RFFL: variants seen among roughly 807,000 people sequenced by gnomAD.
The protein encoded by RFFL is E3 ubiquitin-protein ligase rififylin.
RFFL carries 16 observed loss-of-function variants against 40.4 expected under a neutral mutation model. That is an observed-to-expected ratio of 0.40 (90% CI 0.27 to 0.60). RFFL has a LOEUF of 0.60. Among genes scored for constraint, RFFL ranks in the 20% least tolerant of loss-of-function variants. The probability of loss-of-function intolerance (pLI) is 0.47; values close to 1 mark genes in which losing one functional copy is unlikely to be tolerated. For missense variants in RFFL, 367 were observed against 451.7 expected (o/e 0.81, Z 1.70); for synonymous variants, 154 against 167.9 (o/e 0.92, Z 0.64).
chr17:35,055,671 C>CAAAAAA (rs1475235052), intron 1 of RFFL, among the ~76,000 whole-genome samples: 2 of 125,968 alleles, frequency 1.6e-5, no homozygotes, highest in African/African-American at 7.7e-5. Flanking sequence ...AACTCCATCT[C>CAAAAAA]AAAAAAAAAC....
At chr17:35,089,085 C>A (rs1056163312) in intron 1 of RFFL, 1 of 153,396 alleles carries the variant, frequency 6.5e-6, no homozygotes, top group Admixed American at 6.5e-5. Flanking sequence ...CCCCCAGCGC[C>A]GCCGCCGCCG....
intron 1 of RFFL, among the ~76,000 whole-genome samples, chr17:35,072,270 G>C (rs1245391439): frequency 7.2e-6 from 1 of 139,758 alleles, no homozygotes; most frequent in Non-Finnish European, 1.5e-5. Context: ...AACAGAGCCA[G>C]ACACTGTCTC....
At chr17:35,075,193 C>A (rs561587504) in intron 1 of RFFL, among the ~76,000 whole-genome samples, 100 of 152,322 alleles carry the variant, frequency 6.6e-4, no homozygotes, top group Admixed American at 1.5e-3. Flanking sequence ...TGCTACCCTG[C>A]TGAACAGTCA....
intron 1 of RFFL, among the ~76,000 whole-genome samples, chr17:35,034,052 A>G (rs1427120672): frequency 6.6e-6 from 1 of 151,130 alleles, no homozygotes; most frequent in Non-Finnish European, 1.5e-5. Context: ...CTGAGGCAGG[A>G]GAATGGCGTG....
chr17:35,012,109 C>A lies in RFFL; in HGVS notation c.951G>T (p.Lys317Asn). 1 of 1,614,178 alleles carries A rather than the reference C, an allele frequency of 6.2e-7. No individual in the cohort carries two copies. The highest frequency in any genetic ancestry group is 8.5e-7 in the Non-Finnish European group (1 of 1,180,032). ...AGTCAATGGGTGAGTCCATGCAGAT[C>A]TTACACAGGTTCTCCTCCAAGCCTG... ...VPSGLEENLC[K>N]ICMDSPIDCV... The change falls in exon 7 of 7, where the codon AAG (lysine) becomes AAT (asparagine). Residue 317 changes from lysine to asparagine, a missense_variant. Lys to Asn is a moderately conservative substitution (Grantham distance 94). Coordinates refer to ENST00000394597, the MANE Select transcript of RFFL (RefSeq NM_001017368.2).
intron 1 of RFFL, among the ~76,000 whole-genome samples, chr17:35,084,529 G>A (rs997840867): frequency 2.0e-5 from 3 of 152,212 alleles, no homozygotes; most frequent in South Asian, 2.1e-4. Flanking sequence ...GGGAGGTGGA[G>A]GTTACAGTGA....
chr17:35,039,804 A>C (rs1332030525), intron 1 of RFFL, among the ~76,000 whole-genome samples: 1 of 151,842 alleles, frequency 6.6e-6, no homozygotes, highest in Non-Finnish European at 1.5e-5. Context: ...CAGCCTCCCG[A>C]GTATCTGGGA....
upstream of RFFL, among the ~76,000 whole-genome samples, chr17:35,066,076 T>C (rs1213065114): frequency 2.6e-5 from 4 of 152,116 alleles, no homozygotes; most frequent in South Asian, 2.1e-4. Context: ...AGAGCCGAGA[T>C]TGCGCCACTG....
In RFFL at chr17:35,026,554, G is replaced by A. The variant is rs763790280; in HGVS notation, c.-1C>T. 2 of 1,612,306 alleles carry A rather than the reference G, an allele frequency of 1.2e-6. No individual in the cohort carries two copies. The highest frequency in any genetic ancestry group is 1.7e-6 in the Non-Finnish European group (2 of 1,179,346). ...ACCAGTTGCAGCAGGTTGCCCACATGATAAAATCTGGTGCAAGGGAGGAAA... is the reference window on the plus strand; with the variant it reads ...ACCAGTTGCAGCAGGTTGCCCACATAATAAAATCTGGTGCAAGGGAGGAAA... On this transcript the variant is annotated 5_prime_UTR_variant, in exon 2 of 7. Transcript: ENST00000394597.
In RFFL at chr17:35,012,029, A is replaced by G; in HGVS notation, c.1031T>C (p.Met344Thr). 6.2e-7 allele frequency: 1 copy of G among 1,614,210 alleles called. No individual in the cohort carries two copies. Among genetic ancestry groups the G allele is most frequent in the Non-Finnish European group, 8.5e-7 (1 of 1,180,042 alleles). ...CTGCCGGCAGATGGGACATTCATTC[A>G]TGCGCTTGCCACACTTGGTACAGGT... is the stretch of plus-strand genomic sequence containing the variant. ...MVTCTKCGKR[M>T]NECPICRQYV... The change falls in exon 7 of 7, where the codon ATG (methionine) becomes ACG (threonine). Residue 344 changes from methionine (M) to threonine (T), a missense_variant. Met to Thr is a moderately conservative substitution (Grantham distance 81). Coordinates refer to ENST00000394597, the MANE Select transcript of RFFL (RefSeq NM_001017368.2).
chr17:35,043,166 A>G, intron 1 of RFFL, among the ~76,000 whole-genome samples: 1 of 152,186 alleles, frequency 6.6e-6, no homozygotes, highest in South Asian at 2.1e-4. Context: ...TGGGGGGAAA[A>G]AAAGCTGTTC....
chr17:35,038,287 A>C (rs1311554734), intron 1 of RFFL, among the ~76,000 whole-genome samples: 1 of 20,804 alleles, frequency 4.8e-5, no homozygotes, highest in Admixed American at 3.5e-4. Context: ...AAACTGTCTC[A>C]AAAAAAAAAA....
rs2090894567 is a variant in RFFL at position 35,006,262 on chromosome 17, T to A, written c.*5706A>T. 1 of 154,964 alleles carries A rather than the reference T, an allele frequency of 6.5e-6. No homozygotes were observed. Among genetic ancestry groups the A allele is most frequent in the Admixed American group, 6.4e-5 (1 of 15,718 alleles). 9.6% of individuals were successfully genotyped at this position (154,964 alleles called of 1,614,324 possible). A position where few individuals can be genotyped will look rare whatever the true frequency, so the allele number is the denominator to read the frequency against. On this transcript the variant is annotated 3_prime_UTR_variant, in exon 7 of 7. Coordinates refer to ENST00000394597, the MANE Select transcript of RFFL (RefSeq NM_001017368.2). ...CTAGCCACAGACAGCTGCTGAGCAA[T>A]TGAAATGAAGCTGGCACAACTAAGG...
Position 35,072,860 on chromosome 17 carries a change from A to G in RFFL, c.-9+16245T>C, listed in dbSNP as rs139151820. Among the ~76,000 whole-genome samples the G allele has an allele frequency of 3.8e-3, 575 of 152,284 alleles. 4 individuals are homozygous for G. Among genetic ancestry groups the G allele is most frequent in the Non-Finnish European group, 5.3e-3 (360 of 68,026 alleles). The stretch of plus-strand genomic sequence containing the variant: ...AGAGTTCGAGACCAGCCTGACCAAC[A>G]TGGAGAAACTCCGTCTCTACTCAAA... On this transcript the variant is annotated intron_variant, in intron 1 of 6. Transcript: ENST00000315249.
At chr17:35,056,962 C>A (rs973211636) in intron 1 of RFFL, among the ~76,000 whole-genome samples, 1 of 151,264 alleles carries the variant, frequency 6.6e-6, no homozygotes, top group African/African-American at 2.4e-5. Context: ...GTTACCCAGG[C>A]TGGAGTACAG....
At chr17:35,022,660 A>G (rs2091016733) in intron 2 of RFFL, among the ~76,000 whole-genome samples, 1 of 152,162 alleles carries the variant, frequency 6.6e-6, no homozygotes, top group African/African-American at 2.4e-5. Flanking sequence ...GTTCCATTCA[A>G]GTACAGAGCA....
At chr17:35,024,674 C>G (rs2091030341) in intron 2 of RFFL, among the ~76,000 whole-genome samples, 1 of 152,104 alleles carries the variant, frequency 6.6e-6, no homozygotes. Flanking sequence ...AAAGTACTGA[C>G]CATAATGAAG....
chr17:35,024,631 G>A (rs1459998851), intron 2 of RFFL, among the ~76,000 whole-genome samples: 1 of 152,212 alleles, frequency 6.6e-6, no homozygotes, highest in Non-Finnish European at 1.5e-5. Context: ...AGTCCTGAAT[G>A]TTATCTGTGC....
chr17:35,015,369 A>G (rs1302729830), intron 5 of RFFL, among the ~76,000 whole-genome samples: 1 of 152,258 alleles, frequency 6.6e-6, no homozygotes, highest in East Asian at 1.9e-4. Context: ...AGTCAGCATT[A>G]AAGTCAAGAA....
Sources: gnomAD v4.1 joint callset for allele counts (sites outside exome capture counted in the v4.1 genomes callset) on GRCh38, gnomAD v4.1.1 for gene constraint, MANE v1.5 for transcripts, NCBI Gene and HGNC (gene_info 2026-07-23, HGNC 2026-07-21) for gene names.